HAUS2: variants seen among roughly 807,000 people sequenced by gnomAD.
The protein encoded by HAUS2 is HAUS augmin like complex subunit 2, also known as HAUS augmin-like complex subunit 2.
In HAUS2, 20 loss-of-function variants were observed where a neutral mutation model predicts 21.6. The ratio of observed to expected loss-of-function variants is 0.93; its 90% CI spans 0.65 to 1.35. HAUS2 has a LOEUF of 1.35. Among genes scored for constraint, HAUS2 ranks in the 40% most tolerant of loss-of-function variants. HAUS2 has a pLI of 0.00. For missense variants in HAUS2, 297 were observed against 280.7 expected, an observed-to-expected ratio of 1.06 and a Z score of -0.42; for synonymous variants, 113 against 95.6, an observed-to-expected ratio of 1.18 and a Z score of -1.06.
intron 1 of HAUS2, 90 bp downstream of exon 1, chr15:42,549,055 T>TCC: frequency 1.2e-6 from 1 of 842,046 alleles, no homozygotes; most frequent in South Asian, 1.5e-5. Context: ...GTGGGAGTGG[T>TCC]GAGGGTCCTG....
rs1420529863 is a variant in HAUS2 at position 42,557,389 on chromosome 15, TA to T, written c.94-807del. Among the ~76,000 whole-genome samples the T allele has an allele frequency of 5.8e-5, 3 of 51,902 alleles. 1 individual carries two copies. The highest frequency in any genetic ancestry group is 1.6e-4 in the African/African-American group (3 of 18,584). The allele number at this position is 51,902 out of a possible 152,430, so 34.0% of individuals were successfully genotyped here. On this transcript the variant is annotated intron_variant, in intron 1 of 5. Transcript: ENST00000260372. ...TTATATATATTATATATTTTATATATAATATATATTTTATATATACATTATA... is the reference window on the plus strand; with the variant it reads ...TTATATATATTATATATTTTATATATATATATATTTTATATATACATTATA...
At chr15:42,558,587 A>G (rs975745856) in intron 2 of HAUS2, among the ~76,000 whole-genome samples, 9 of 151,426 alleles carry the variant, frequency 5.9e-5, no homozygotes, top group Non-Finnish European at 1.3e-4. Flanking sequence ...TCGGCCTCCC[A>G]AAGTGCTGGG....
intron 1 of HAUS2, among the ~76,000 whole-genome samples, chr15:42,553,030 A>G (rs1595546194): frequency 6.9e-6 from 1 of 145,192 alleles, no homozygotes; most frequent in Non-Finnish European, 1.5e-5. Flanking sequence ...CTTACTGCCC[A>G]GGGTGGAGTG....
At chr15:42,556,730 C>T (rs992299482) in intron 1 of HAUS2, among the ~76,000 whole-genome samples, 12 of 151,682 alleles carry the variant, frequency 7.9e-5, no homozygotes, top group Admixed American at 2.0e-4. Flanking sequence ...TTGGCCTGGA[C>T]GCGGTGGCTC....
At chr15:42,550,719 A>C (rs895642488) in intron 1 of HAUS2, among the ~76,000 whole-genome samples, 5 of 151,896 alleles carry the variant, frequency 3.3e-5, no homozygotes, top group Non-Finnish European at 5.9e-5. Flanking sequence ...CCCAGGCTGG[A>C]GTGCAGTGGC....
rs1177291362 is a variant in HAUS2, at chr15:42,566,940, T to C, written c.*124T>C. Reference sequence around the variant, plus strand: ...TGAAAGAACCTGCTTTATATTGGAGTATCAAGATCTCAGGTTCATTAAGAC... The same window carrying C: ...TGAAAGAACCTGCTTTATATTGGAGCATCAAGATCTCAGGTTCATTAAGAC... On this transcript the variant is annotated 3_prime_UTR_variant, in exon 6 of 6. Transcript: ENST00000260372. 7.0e-6 allele frequency: 4 copies of C among 567,990 alleles called. No homozygotes were observed. The African/African-American group carries it at 7.6e-5, about 11-fold the overall frequency. The allele number at this position is 567,990 out of a possible 1,614,324, so 35.2% of individuals were successfully genotyped here.
At chr15:42,558,620 C>T (rs552356644) in intron 2 of HAUS2, among the ~76,000 whole-genome samples, 1 of 151,984 alleles carries the variant, frequency 6.6e-6, no homozygotes, top group East Asian at 2.0e-4. Context: ...AGCCACTGCG[C>T]CCGGCCTGAA....
At chr15:42,556,390 A>C (rs565323343) in intron 1 of HAUS2, among the ~76,000 whole-genome samples, 1 of 146,372 alleles carries the variant, frequency 6.8e-6, no homozygotes, top group African/African-American at 2.6e-5. Flanking sequence ...CAGCCTCCCG[A>C]GTAGCTGGGA....
chr15:42,566,109 G>A (rs1344890418), intron 5 of HAUS2, among the ~76,000 whole-genome samples: 1 of 151,792 alleles, frequency 6.6e-6, no homozygotes, highest in Non-Finnish European at 1.5e-5. Flanking sequence ...GGATGAGGCA[G>A]AAGAATCGCT....
chr15:42,561,517 T>G, intron 4 of HAUS2, 115 bp downstream of exon 4: 5 of 680,254 alleles, frequency 7.4e-6, no homozygotes, highest in Non-Finnish European at 5.2e-6. Flanking sequence ...TTTGTTAACA[T>G]TATTAATGGT....
At chr15:42,548,990 A>T in intron 1 of HAUS2, 25 bp downstream of exon 1, 1 of 1,434,232 alleles carries the variant, frequency 7.0e-7, no homozygotes. Flanking sequence ...CGGTGGTGTC[A>T]TCAAGGGGGT....
In HAUS2 at chr15:42,558,274, A is replaced by G. The variant is rs1434158371; in HGVS notation, c.170A>G (p.Gln57Arg). The G allele has an allele frequency of 1.4e-6, 2 of 1,383,970 alleles. No individual in the cohort carries two copies. Among genetic ancestry groups the G allele is most frequent in the African/African-American group, 1.4e-5 (1 of 69,748 alleles). The allele number at this position is 1,383,970 out of a possible 1,614,324, so 85.7% of individuals were successfully genotyped here. A position where few individuals can be genotyped will look rare whatever the true frequency, so the allele number is the denominator to read the frequency against. Reference protein sequence around the residue: ...FTRLQQITNIQAEIYQKNLEI... With the variant: ...FTRLQQITNIRAEIYQKNLEI... ...AGACTACAGCAGATCACAAATATTCAAGCTGAAATCTACCAGGTAAATCAT... is the reference window on the plus strand; with the variant it reads ...AGACTACAGCAGATCACAAATATTCGAGCTGAAATCTACCAGGTAAATCAT... The change falls in exon 2 of 6, where the codon CAA (glutamine) becomes CGA (arginine). Residue 57 changes from glutamine (Q) to arginine (R), a missense_variant. Coordinates refer to ENST00000260372, the MANE Select transcript of HAUS2 (RefSeq NM_018097.3).
At chr15:42,553,706 A>C (rs2057747025) in intron 1 of HAUS2, among the ~76,000 whole-genome samples, 1 of 152,082 alleles carries the variant, frequency 6.6e-6, no homozygotes, top group Non-Finnish European at 1.5e-5. Flanking sequence ...CCATTACTCT[A>C]TTGTTGAACC....
At chr15:42,556,167 G>A (rs1326689516) in intron 1 of HAUS2, among the ~76,000 whole-genome samples, 3 of 140,662 alleles carry the variant, frequency 2.1e-5, no homozygotes, top group African/African-American at 8.0e-5. Context: ...TCACCATGTT[G>A]GCCAGGCTGG....
intron 1 of HAUS2, among the ~76,000 whole-genome samples, chr15:42,552,782 G>T (rs1351091458): frequency 6.6e-6 from 1 of 152,084 alleles, no homozygotes; most frequent in East Asian, 1.9e-4. Context: ...TACTAATTCT[G>T]TTTTCTTAAC....
chr15:42,549,765 CAAAAAAAA>C (rs58614126), intron 1 of HAUS2, among the ~76,000 whole-genome samples: 16 of 58,116 alleles, frequency 2.8e-4, no homozygotes, highest in African/African-American at 5.5e-4. Context: ...TCTTTAAAGG[CAAAAAAAA>C]AAAAAAAAAA....
chr15:42,560,693 G>T, intron 3 of HAUS2: 1 of 640,934 alleles, frequency 1.6e-6, no homozygotes, highest in South Asian at 1.7e-5. Flanking sequence ...ACTTCAACAC[G>T]TGGTTTCAAC....
At chr15:42,559,279 C>G in intron 2 of HAUS2, 60 bp from the exon 3 acceptor site, 7 of 973,232 alleles carry the variant, frequency 7.2e-6, no homozygotes, top group South Asian at 6.5e-5. Context: ...GAGTGAGCCA[C>G]CGCACCTGGC....
rs1566831743 is a variant in HAUS2, at chr15:42,557,325, A to ATTT, written c.94-872_94-871insTTT. 3.3e-4 allele frequency among the ~76,000 whole-genome samples: 26 copies of ATTT among 79,316 alleles called. 4 individuals carry two copies. Among genetic ancestry groups the ATTT allele is most frequent in the East Asian group, 5.8e-4 (2 of 3,464 alleles). The allele number at this position is 79,316 out of a possible 152,430, so 52.0% of individuals were successfully genotyped here. ...AGTGAGACTCCATTTAAAAATATAT[A>ATTT]TATTATATATAATATATATTTTATA... is the stretch of plus-strand genomic sequence containing the variant. On this transcript the variant is annotated intron_variant, in intron 1 of 5. Transcript: ENST00000260372.
Sources: gnomAD v4.1 joint callset for allele counts (sites outside exome capture counted in the v4.1 genomes callset) on GRCh38, gnomAD v4.1.1 for gene constraint, MANE v1.5 for transcripts, NCBI Gene and HGNC (gene_info 2026-07-23, HGNC 2026-07-21) for gene names.